The following SNX8 variants were observed in gnomAD, a reference collection of about 807,000 sequenced individuals.
SNX8 encodes sorting nexin 8, also known as sorting nexin-8.
Under a neutral mutation model 51.6 loss-of-function variants are expected in SNX8, and 25 were observed. That is an observed-to-expected ratio of 0.48 (90% CI 0.35 to 0.68). SNX8 has a LOEUF of 0.68. Ranked by LOEUF, SNX8 falls within the 30% of genes least tolerant of loss-of-function variation. The pLI, the probability that SNX8 is intolerant of heterozygous loss-of-function variation, is 0.00. For missense variants in SNX8, 695 were observed against 624.0 expected, an observed-to-expected ratio of 1.11 and a Z score of -1.21; for synonymous variants, 324 against 277.0, an observed-to-expected ratio of 1.17 and a Z score of -1.68.
chr7:2,287,883 C>T (rs949963481), intron 1 of SNX8: 1 of 151,358 alleles, frequency 6.6e-6, no homozygotes, highest in African/African-American at 2.4e-5. Flanking sequence ...GCACTCCTGC[C>T]TGGGCGAGCA....
chr7:2,276,081 A>AG (rs1444934567), intron 2 of SNX8, among the ~76,000 whole-genome samples: 1 of 152,050 alleles, frequency 6.6e-6, no homozygotes, highest in Non-Finnish European at 1.5e-5. Flanking sequence ...CACACACATC[A>AG]GGGTGACCAA....
At chr7:2,270,355 G>C (rs527710723) in intron 4 of SNX8, among the ~76,000 whole-genome samples, 38 of 126,630 alleles carry the variant, frequency 3.0e-4, no homozygotes, top group African/African-American at 1.1e-3. Flanking sequence ...CTGAGGCCCA[G>C]CATGGTGCGT....
intron 1 of SNX8, among the ~76,000 whole-genome samples, chr7:2,348,007 T>G (rs6974490): frequency 6.6e-6 from 1 of 151,952 alleles, no homozygotes; most frequent in Non-Finnish European, 1.5e-5. Context: ...AGATTGGACA[T>G]AGACCGGTTT....
At position 2,278,248 on chromosome 7, in the gene SNX8, G is replaced by A. The variant is rs1795828897; in HGVS notation, c.152C>T (p.Pro51Leu). ...PQAIVQQVPA[P>L]SRMQMPQGNP... ...CCCCTGCGGCATCTGCATTCGACTG[G>A]GGGCTGGGACCTGCTGCACGATGGC... Residue 51 changes from proline (P) to leucine (L), a missense_variant, in exon 2 of 11, where the codon CCC becomes CTC. Transcript: ENST00000222990. The A allele has an allele frequency of 1.2e-6, 2 of 1,610,152 alleles. No homozygotes were observed. The highest frequency in any genetic ancestry group is 2.7e-5 in the African/African-American group (2 of 75,004).
intron 6 of SNX8, among the ~76,000 whole-genome samples, 186 bp downstream of exon 6, chr7:2,264,112 C>T (rs1359693020): frequency 6.6e-6 from 1 of 152,052 alleles, no homozygotes; most frequent in Non-Finnish European, 1.5e-5. Context: ...GTTTCAGGGC[C>T]GAAATTCTCC....
In SNX8 at chr7:2,282,879, T is replaced by C. The variant is rs1454671267; in HGVS notation, c.95-4574A>G. 2.6e-5 allele frequency among the ~76,000 whole-genome samples: 4 copies of C among 152,270 alleles called. No homozygotes were observed. The East Asian group carries it at 5.8e-4, about 22-fold the overall frequency. Reference sequence around the variant, plus strand: ...GCTCACGCCTGTAATCCCAGCACTTTGGCAGGCCGAGGCGGGTGGATCACG... The same window carrying C: ...GCTCACGCCTGTAATCCCAGCACTTCGGCAGGCCGAGGCGGGTGGATCACG... On this transcript the variant is annotated intron_variant, in intron 1 of 10. Coordinates refer to ENST00000222990, the MANE Select transcript of SNX8 (RefSeq NM_013321.4).
chr7:2,352,768 G>A (rs1391476075), intron 1 of SNX8, among the ~76,000 whole-genome samples: 3 of 151,996 alleles, frequency 2.0e-5, no homozygotes, highest in Admixed American at 6.6e-5. Context: ...CCCGGGAGGT[G>A]GAGCTTGCAG....
upstream of SNX8, among the ~76,000 whole-genome samples, chr7:2,319,265 C>T (rs992803404): frequency 1.7e-4 from 26 of 151,800 alleles, no homozygotes; most frequent in African/African-American, 6.1e-4. Context: ...CCACTTGACC[C>T]GGGGAGGCAG....
At chr7:2,294,511 G>C (rs1022584499) in intron 1 of SNX8, among the ~76,000 whole-genome samples, 1 of 152,186 alleles carries the variant, frequency 6.6e-6, no homozygotes, top group Non-Finnish European at 1.5e-5. Context: ...TACAGATGCA[G>C]AAATTGGAGG....
intron 1 of SNX8, among the ~76,000 whole-genome samples, chr7:2,335,057 G>A (rs1391261312): frequency 6.6e-6 from 1 of 151,934 alleles, no homozygotes; most frequent in Non-Finnish European, 1.5e-5. Flanking sequence ...TTACCTGGGT[G>A]TGGTTGTGTG....
At chr7:2,348,365 G>T (rs1414157953) in intron 1 of SNX8, among the ~76,000 whole-genome samples, 1 of 130,970 alleles carries the variant, frequency 7.6e-6, no homozygotes, top group African/African-American at 2.9e-5. Context: ...TTTTGAGACA[G>T]AGTCTCGCTC....
chr7:2,322,785 A>C (rs1203893336), intron 1 of SNX8, among the ~76,000 whole-genome samples: 1 of 148,212 alleles, frequency 6.7e-6, no homozygotes, highest in Non-Finnish European at 1.5e-5. Flanking sequence ...GGGAGGCTGA[A>C]GTATGTGGAT....
rs570713530 is a variant in SNX8 at position 2,303,441 on chromosome 7, C to T, written c.94+10887G>A. On this transcript the variant is annotated intron_variant, in intron 1 of 10. Coordinates refer to ENST00000222990, the MANE Select transcript of SNX8 (RefSeq NM_013321.4). ...GAGCCCCTCTGCCCGGCCACCACCC[C>T]GTCTGGGAGGTGTACTCAACAGCTC... 1.1e-3 allele frequency among the ~76,000 whole-genome samples: 160 copies of T among 152,342 alleles called. 1 individual carries two copies. The South Asian group carries it at 0.029, about 28-fold the overall frequency.
intron 6 of SNX8, 101 bp from the exon 7 acceptor site, chr7:2,263,463 T>C (rs1795387036): frequency 8.2e-7 from 1 of 1,215,466 alleles, no homozygotes; most frequent in Non-Finnish European, 1.1e-6. Flanking sequence ...CACGGCAACC[T>C]GCGTGACCCC....
At chr7:2,286,532 T>G (rs1378460754) in intron 1 of SNX8, among the ~76,000 whole-genome samples, 1 of 151,766 alleles carries the variant, frequency 6.6e-6, no homozygotes, top group African/African-American at 2.4e-5. Flanking sequence ...ATTTTTTTTT[T>G]TTTTTAATGG....
At chr7:2,344,930 G>A (rs1391549344) in intron 1 of SNX8, among the ~76,000 whole-genome samples, 1 of 152,154 alleles carries the variant, frequency 6.6e-6, no homozygotes. Context: ...TTACATCAGA[G>A]AAATGCAAAT....
rs572994947 is a variant in SNX8, at chr7:2,352,409, CAGAG to C, written c.-66+1809_-66+1812del. Among the ~76,000 whole-genome samples the C allele has an allele frequency of 2.3e-3, 357 of 152,116 alleles. 2 individuals carry two copies. Among genetic ancestry groups the C allele is most frequent in the African/African-American group, 8.3e-3 (343 of 41,482 alleles). The stretch of plus-strand genomic sequence containing the variant: ...ATATTACATAATGAAGAAAATTTGA[CAGAG>C]AGAGACACAGACACACCACCAGACA... On this transcript the variant is annotated intron_variant, in intron 1 of 5. Transcript: ENST00000435336.
At chr7:2,319,293 G>T (rs184915088), upstream of SNX8, among the ~76,000 whole-genome samples, 773 of 152,070 alleles carry the variant, frequency 5.1e-3, 3 homozygotes, top group African/African-American at 0.014. Flanking sequence ...AGTGAGCTGA[G>T]ATCACACCAC....
intron 1 of SNX8, among the ~76,000 whole-genome samples, chr7:2,351,206 T>C (rs769561704): frequency 5.9e-5 from 9 of 152,180 alleles, no homozygotes; most frequent in Non-Finnish European, 5.9e-5. Flanking sequence ...CCATCTCTGC[T>C]GCCAGGGTTG....
Sources: gnomAD v4.1 joint callset for allele counts (sites outside exome capture counted in the v4.1 genomes callset) on GRCh38, gnomAD v4.1.1 for gene constraint, MANE v1.5 for transcripts, NCBI Gene and HGNC (gene_info 2026-07-23, HGNC 2026-07-21) for gene names.